AGBL1: variants seen among roughly 807,000 people sequenced by gnomAD.
The protein encoded by AGBL1 is AGBL carboxypeptidase 1.
Under a neutral mutation model 118.9 loss-of-function variants are expected in AGBL1, and 130 were observed. The ratio of observed to expected loss-of-function variants is 1.09; its 90% CI spans 0.95 to 1.26. The LOEUF is 1.26. Among genes scored for constraint, AGBL1 ranks in the 50% most tolerant of loss-of-function variants. The pLI is 0.00. For missense variants in AGBL1, 1,584 were observed against 1,298.1 expected (o/e 1.22, Z -3.38); for synonymous variants, 555 against 478.9 (o/e 1.16, Z -2.08).
chr15:87,025,213 T>C (rs1039056727), intron 24 of AGBL1, among the ~76,000 whole-genome samples: 4 of 152,132 alleles, frequency 2.6e-5, no homozygotes, highest in Admixed American at 2.0e-4. Context: ...GATGATATGA[T>C]TGTTTACCTA....
chr15:86,939,673 T>G (rs894291758), intron 23 of AGBL1: 1 of 152,232 alleles, frequency 6.6e-6, no homozygotes, highest in Non-Finnish European at 1.5e-5. Context: ...AAGGCTAACG[T>G]GATGTTTCCC....
chr15:86,249,287 C>T (rs2078770141), intron 7 of AGBL1, among the ~76,000 whole-genome samples: 1 of 152,120 alleles, frequency 6.6e-6, no homozygotes, highest in Non-Finnish European at 1.5e-5. Context: ...CTTCTCTGGA[C>T]ACCCTCCAGT....
At chr15:86,877,023 G>A (rs1163310168) in intron 22 of AGBL1, among the ~76,000 whole-genome samples, 1 of 152,132 alleles carries the variant, frequency 6.6e-6, no homozygotes, top group Non-Finnish European at 1.5e-5. Flanking sequence ...AAAGCATTCA[G>A]AGATCAATTC....
intron 2 of AGBL1, 45 bp from the exon 3 acceptor site, chr15:86,143,653 TG>T: frequency 6.2e-7 from 1 of 1,600,038 alleles, no homozygotes; most frequent in Non-Finnish European, 8.5e-7. Context: ...CCAAGGAAAA[TG>T]GGGATTATTA....
chr15:86,793,069 G>C (rs1434144583), intron 22 of AGBL1, among the ~76,000 whole-genome samples: 1 of 152,084 alleles, frequency 6.6e-6, no homozygotes, highest in Admixed American at 6.6e-5. Context: ...TCAAGGTACA[G>C]AAAGGAGCCT....
chr15:86,842,981 C>T (rs1159174066), intron 22 of AGBL1, among the ~76,000 whole-genome samples: 1 of 152,082 alleles, frequency 6.6e-6, no homozygotes, highest in East Asian at 1.9e-4. Context: ...TGTAATTGCA[C>T]CCAAGGTGGG....
chr15:86,704,186 C>G (rs1018151197), intron 22 of AGBL1, among the ~76,000 whole-genome samples: 4 of 152,112 alleles, frequency 2.6e-5, no homozygotes, highest in African/African-American at 9.7e-5. Context: ...CATAAAAACC[C>G]TAGAAGAAAA....
intron 21 of AGBL1, among the ~76,000 whole-genome samples, chr15:86,595,011 T>C (rs2084386824): frequency 1.3e-5 from 2 of 152,190 alleles, no homozygotes; most frequent in Non-Finnish European, 2.9e-5. Flanking sequence ...CTTTCTTCTT[T>C]CCTCACTTGG....
At chr15:86,965,590 A>C (rs2081042636) in intron 23 of AGBL1, among the ~76,000 whole-genome samples, 1 of 151,726 alleles carries the variant, frequency 6.6e-6, no homozygotes. Context: ...TTGCCTGTTC[A>C]CTCTGATGAT....
At chr15:86,424,967 T>G (rs1596098938) in intron 18 of AGBL1, among the ~76,000 whole-genome samples, 1 of 152,198 alleles carries the variant, frequency 6.6e-6, no homozygotes, top group Admixed American at 6.5e-5. Context: ...TCAACCATTG[T>G]GGAAGACAGT....
chr15:86,111,130 G>T (rs188562893), intron 1 of AGBL1, among the ~76,000 whole-genome samples: 5 of 152,344 alleles, frequency 3.3e-5, no homozygotes, highest in South Asian at 2.1e-4. Flanking sequence ...CCAATGCCCC[G>T]GTTGGTCCTG....
At chr15:86,443,214 G>C (rs1296929880) in intron 18 of AGBL1, among the ~76,000 whole-genome samples, 1 of 152,188 alleles carries the variant, frequency 6.6e-6, no homozygotes, top group Non-Finnish European at 1.5e-5. Context: ...CTCCAGATGG[G>C]ACTCATGGCT....
At chr15:86,279,531 A>G in intron 15 of AGBL1, 108 bp from the exon 16 acceptor site, 1 of 1,076,472 alleles carries the variant, frequency 9.3e-7, no homozygotes, top group African/African-American at 1.6e-5. Flanking sequence ...CCATTGTGCC[A>G]GGACAGTATA....
chr15:86,182,694 G>A (rs1041029782), intron 5 of AGBL1, among the ~76,000 whole-genome samples: 5 of 152,102 alleles, frequency 3.3e-5, no homozygotes, highest in African/African-American at 4.8e-5. Context: ...CATTGCAGAA[G>A]CAGAGCTGTT....
intron 18 of AGBL1, among the ~76,000 whole-genome samples, chr15:86,429,407 A>G (rs1030550): frequency 0.38 from 57,893 of 152,110 alleles, 11,539 homozygotes; most frequent in East Asian, 0.68. Context: ...AAAGAATAAG[A>G]AAGCTGTGAT....
At chr15:86,211,024 G>A (rs2078086840) in intron 5 of AGBL1, among the ~76,000 whole-genome samples, 1 of 152,196 alleles carries the variant, frequency 6.6e-6, no homozygotes. Flanking sequence ...TTTTGTTGAT[G>A]TTGATGCTAT....
chr15:86,814,401 T>C lies in AGBL1; in HGVS notation c.3159-92686T>C, dbSNP rs111630002. 2.9e-3 allele frequency among the ~76,000 whole-genome samples: 440 copies of C among 152,266 alleles called. 1 individual carries two copies. The highest frequency in any genetic ancestry group is 0.01 in the African/African-American group (424 of 41,568). ...GCCAAAAAGGTTGGGGACTGCTCTT[T>C]AGATGGATGGGTAGGAATTCGGTGG... On this transcript the variant is annotated intron_variant, in intron 22 of 22. Transcript: ENST00000614907.
At chr15:86,086,888 A>T (rs1053207908) in intron 1 of AGBL1, among the ~76,000 whole-genome samples, 5 of 152,108 alleles carry the variant, frequency 3.3e-5, no homozygotes, top group African/African-American at 1.2e-4. Context: ...GTAGTTTCCA[A>T]TTTGGGGCTA....
chr15:86,830,019 G>A (rs772059570), intron 22 of AGBL1, among the ~76,000 whole-genome samples: 28 of 152,052 alleles, frequency 1.8e-4, no homozygotes, highest in African/African-American at 5.1e-4. Context: ...ATTTAATACC[G>A]TAAAACTTAC....
Sources: gnomAD v4.1 joint callset for allele counts (sites outside exome capture counted in the v4.1 genomes callset) on GRCh38, gnomAD v4.1.1 for gene constraint, MANE v1.5 for transcripts, NCBI Gene and HGNC (gene_info 2026-07-23, HGNC 2026-07-21) for gene names.